Variants in SEMA5A observed in about 807,000 individuals in gnomAD.
SEMA5A encodes the protein semaphorin-5A.
A neutral mutation model predicts 135.5 loss-of-function variants in SEMA5A; 55 were observed. The observed-to-expected ratio is 0.41, with a 90% CI of 0.33 to 0.51. The LOEUF is 0.51. Ranked by LOEUF, SEMA5A falls within the 20% of genes least tolerant of loss-of-function variation. SEMA5A has a pLI of 0.37. For missense variants in SEMA5A, 1,290 were observed against 1,419.9 expected (o/e 0.91, Z 1.47); for synonymous variants, 580 against 546.5 (o/e 1.06, Z -0.85).
intron 4 of SEMA5A, among the ~76,000 whole-genome samples, chr5:9,326,711 G>C (rs1005070078): frequency 6.6e-6 from 1 of 152,156 alleles, no homozygotes; most frequent in Non-Finnish European, 1.5e-5. Flanking sequence ...AATGTGCAAG[G>C]TGGAGGTTGC....
chr5:9,324,797 G>A (rs1752796017), intron 4 of SEMA5A, among the ~76,000 whole-genome samples: 1 of 152,244 alleles, frequency 6.6e-6, no homozygotes, highest in Non-Finnish European at 1.5e-5. Context: ...TGTGAGCACA[G>A]AGGAGGGAAA....
intron 13 of SEMA5A, 111 bp from the exon 14 acceptor site, chr5:9,122,948 G>A (rs1740896034): frequency 9.6e-7 from 1 of 1,039,090 alleles, no homozygotes; most frequent in Non-Finnish European, 1.3e-6. Context: ...AGAATTTGTT[G>A]TTGTTGTTGC....
At position 9,042,680 on chromosome 5, in the gene SEMA5A, C is replaced by G. The variant is rs1044066139; in HGVS notation, c.*217G>C. The stretch of plus-strand genomic sequence containing the variant: ...CACAATTAAAAACTTCACACCCTGG[C>G]TCATTCAACAATGGTCAAGATTTTC... On this transcript the variant is annotated 3_prime_UTR_variant, in exon 23 of 23. Coordinates refer to ENST00000382496, the MANE Select transcript of SEMA5A (RefSeq NM_003966.3). 2.3e-5 allele frequency: 12 copies of G among 529,314 alleles called. No homozygotes were observed. The highest frequency in any genetic ancestry group is 3.0e-5 in the Non-Finnish European group (9 of 303,150). The allele number at this position is 529,314 out of a possible 1,614,324, so 32.8% of individuals were successfully genotyped here.
chr5:9,064,012 G>C (rs1009110697), intron 17 of SEMA5A, among the ~76,000 whole-genome samples: 2 of 152,226 alleles, frequency 1.3e-5, no homozygotes, highest in African/African-American at 4.8e-5. Context: ...CTAAAAGTAT[G>C]CAGTAAAGTT....
At chr5:9,263,798 A>G (rs1162114115) in intron 5 of SEMA5A, among the ~76,000 whole-genome samples, 2 of 152,240 alleles carry the variant, frequency 1.3e-5, no homozygotes, top group African/African-American at 2.4e-5. Flanking sequence ...GCTACTCTAA[A>G]GAAGATGTTC....
At chr5:9,417,588 A>G (rs1431882822) in intron 2 of SEMA5A, among the ~76,000 whole-genome samples, 7 of 152,244 alleles carry the variant, frequency 4.6e-5, no homozygotes, top group Admixed American at 4.6e-4. Flanking sequence ...AAGAATGATC[A>G]TGAAGGTTCA....
chr5:9,245,241 A>G (rs1311241432), intron 5 of SEMA5A, among the ~76,000 whole-genome samples: 2 of 152,152 alleles, frequency 1.3e-5, no homozygotes, highest in African/African-American at 4.8e-5. Flanking sequence ...TCACATGTCT[A>G]TGTTCCCTGC....
chr5:9,353,551 T>A (rs1014384286), intron 3 of SEMA5A, among the ~76,000 whole-genome samples: 1 of 152,150 alleles, frequency 6.6e-6, no homozygotes. Flanking sequence ...TGGATTAGCT[T>A]AGAAAGAGCC....
chr5:9,466,731 G>C (rs1040217447), intron 1 of SEMA5A, among the ~76,000 whole-genome samples: 2 of 152,150 alleles, frequency 1.3e-5, no homozygotes, highest in African/African-American at 4.8e-5. Flanking sequence ...CTAATTATCT[G>C]GGCTTGGTTT....
intron 1 of SEMA5A, among the ~76,000 whole-genome samples, chr5:9,452,405 G>A (rs1225404008): frequency 6.6e-6 from 1 of 152,152 alleles, no homozygotes; most frequent in Admixed American, 6.5e-5. Flanking sequence ...TCAGCAGCTT[G>A]AAGAAGAACT....
At chr5:9,304,930 C>G (rs146190710) in intron 5 of SEMA5A, among the ~76,000 whole-genome samples, 1 of 152,270 alleles carries the variant, frequency 6.6e-6, no homozygotes, top group East Asian at 1.9e-4. Flanking sequence ...GTCCCCCACA[C>G]CGAAATGTAA....
At chr5:9,414,333 A>T (rs1757210302) in intron 2 of SEMA5A, among the ~76,000 whole-genome samples, 2 of 152,328 alleles carry the variant, frequency 1.3e-5, no homozygotes, top group South Asian at 4.1e-4. Context: ...TTCATCGAAG[A>T]TGACAGTTTT....
intron 3 of SEMA5A, among the ~76,000 whole-genome samples, chr5:9,377,913 T>G (rs552403458): frequency 6.6e-6 from 1 of 152,194 alleles, no homozygotes; most frequent in South Asian, 2.1e-4. Context: ...AATAGGAACA[T>G]CTTGTCAACC....
At chr5:9,381,981 T>TGTGTGTGTGTGTGTGC (rs1411451751) in intron 2 of SEMA5A, among the ~76,000 whole-genome samples, 31 of 99,946 alleles carry the variant, frequency 3.1e-4, no homozygotes, top group Non-Finnish European at 6.2e-4. Context: ...TGTGTGTGTG[T>TGTGTGTGTGTGTGTGC]GCGCGCGCGC....
At chr5:9,500,383 C>T (rs143352773) in intron 1 of SEMA5A, among the ~76,000 whole-genome samples, 1 of 152,328 alleles carries the variant, frequency 6.6e-6, no homozygotes, top group East Asian at 1.9e-4. Context: ...TCATAAGACA[C>T]ATGTTAAGAA....
At chr5:9,157,213 C>CTGCCTGT (rs2150269730) in intron 11 of SEMA5A, among the ~76,000 whole-genome samples, 1 of 152,330 alleles carries the variant, frequency 6.6e-6, no homozygotes, top group Non-Finnish European at 1.5e-5. Flanking sequence ...CTTCCTTCCC[C>CTGCCTGT]TGCCTGTGCC....
At chr5:9,386,115 A>G (rs1755876419) in intron 2 of SEMA5A, among the ~76,000 whole-genome samples, 1 of 152,136 alleles carries the variant, frequency 6.6e-6, no homozygotes, top group Admixed American at 6.5e-5. Flanking sequence ...GTGCTTTTCA[A>G]ATGTTTGTTT....
At chr5:9,045,497 A>G (rs1255474252) in intron 21 of SEMA5A, among the ~76,000 whole-genome samples, 1 of 152,222 alleles carries the variant, frequency 6.6e-6, no homozygotes, top group Admixed American at 6.5e-5. Flanking sequence ...TACAGGAAAA[A>G]TAAATCCTTT....
intron 16 of SEMA5A, among the ~76,000 whole-genome samples, chr5:9,092,121 A>G (rs1030590078): frequency 6.6e-6 from 1 of 152,176 alleles, no homozygotes; most frequent in Non-Finnish European, 1.5e-5. Flanking sequence ...CCAGATTCAT[A>G]TTCCACCCAG....
Sources: gnomAD v4.1 joint callset for allele counts (sites outside exome capture counted in the v4.1 genomes callset) on GRCh38, gnomAD v4.1.1 for gene constraint, MANE v1.5 for transcripts, NCBI Gene and HGNC (gene_info 2026-07-23, HGNC 2026-07-21) for gene names.